Variants in DNAH6 observed in about 807,000 individuals in gnomAD.
DNAH6 encodes the protein axonemal beta dynein heavy chain 6.
Under a neutral mutation model 491.4 loss-of-function variants are expected in DNAH6, and 340 were observed. The observed-to-expected ratio is 0.69, with a 90% CI of 0.63 to 0.76. DNAH6 has a LOEUF of 0.76. DNAH6 is among the 30% of genes least tolerant of loss of function. DNAH6 has a pLI of 0.00. For missense variants in DNAH6, 4,443 were observed against 4,972.2 expected, an observed-to-expected ratio of 0.89 and a Z score of 3.20; for synonymous variants, 1,603 against 1,686.1, an observed-to-expected ratio of 0.95 and a Z score of 1.21.
intron 33 of DNAH6, among the ~76,000 whole-genome samples, chr2:84,651,415 G>T (rs1416032336): frequency 1.3e-5 from 2 of 152,204 alleles, no homozygotes; most frequent in African/African-American, 4.8e-5. Flanking sequence ...TAGAGTGGAA[G>T]TCTGGGCTCC....
intron 70 of DNAH6, among the ~76,000 whole-genome samples, chr2:84,798,878 G>A (rs559529128): frequency 6.6e-6 from 1 of 152,222 alleles, no homozygotes; most frequent in South Asian, 2.1e-4. Context: ...ACCACCCAGG[G>A]ATATCAAGTT....
At position 84,551,943 on chromosome 2, in the gene DNAH6, GA is replaced by G. The variant is rs2104562570; in HGVS notation, c.1486-973del. 2.0e-5 allele frequency among the ~76,000 whole-genome samples: 3 copies of G among 151,766 alleles called. No individual in the cohort carries two copies. In the South Asian group the frequency reaches 6.2e-4, roughly 32 times the overall value. The stretch of plus-strand genomic sequence containing the variant: ...GGTGCCTATAATCCCAGCTACTCAG[GA>G]AGCTGAGGCAGGGGAATTGCTTCAA... On this transcript the variant is annotated intron_variant, in intron 9 of 76. Coordinates refer to ENST00000389394, the MANE Select transcript of DNAH6 (RefSeq NM_001370.2).
intron 68 of DNAH6, among the ~76,000 whole-genome samples, chr2:84,793,598 C>T (rs962673615): frequency 5.3e-5 from 8 of 152,156 alleles, no homozygotes; most frequent in South Asian, 4.1e-4. Flanking sequence ...GATGGACCCA[C>T]GACAGAGATT....
At position 84,610,609 on chromosome 2, in the gene DNAH6, G is replaced by T. The variant is rs77531253; in HGVS notation, c.3295-1065G>T. On this transcript the variant is annotated intron_variant, in intron 21 of 76. Coordinates refer to ENST00000389394, the MANE Select transcript of DNAH6 (RefSeq NM_001370.2). ...AACCCACTTACACTAATCTCATTTT[G>T]TTCCCATCCAATCTCTTTCTTAGAC... 4.3e-3 allele frequency among the ~76,000 whole-genome samples: 652 copies of T among 152,240 alleles called. 1 individual carries two copies. Among genetic ancestry groups the T allele is most frequent in the South Asian group, 7.3e-3 (35 of 4,826 alleles).
At chr2:84,813,905 A>G (rs775575737) in intron 74 of DNAH6, 66 bp from the exon 75 acceptor site, 10 of 1,507,156 alleles carry the variant, frequency 6.6e-6, no homozygotes, top group Non-Finnish European at 9.0e-6. Context: ...GTTTGGATGA[A>G]GGGGAATAGT....
chr2:84,683,355 A>G (rs564847607), intron 42 of DNAH6, among the ~76,000 whole-genome samples: 4 of 151,098 alleles, frequency 2.6e-5, no homozygotes, highest in South Asian at 2.1e-4. Flanking sequence ...TAGTTGCTCC[A>G]TAATCTGCTT....
At chr2:84,772,208 A>G (rs1675691862) in intron 64 of DNAH6, among the ~76,000 whole-genome samples, 1 of 152,178 alleles carries the variant, frequency 6.6e-6, no homozygotes, top group Admixed American at 6.5e-5. Flanking sequence ...AACTAAAAAT[A>G]TATACAATAT....
intron 29 of DNAH6, among the ~76,000 whole-genome samples, chr2:84,628,571 G>A (rs1488148277): frequency 6.6e-6 from 1 of 152,156 alleles, no homozygotes; most frequent in African/African-American, 2.4e-5. Flanking sequence ...AAAAGCAAAT[G>A]AAATATTCAA....
At chr2:84,727,348 T>C (rs1698731462) in intron 60 of DNAH6, among the ~76,000 whole-genome samples, 4 of 152,128 alleles carry the variant, frequency 2.6e-5, no homozygotes. Context: ...GTACAGTAAG[T>C]CCTCAATGTT....
At chr2:84,703,939 A>G in intron 50 of DNAH6, 128 bp from the exon 51 acceptor site, 1 of 697,170 alleles carries the variant, frequency 1.4e-6, no homozygotes, top group Non-Finnish European at 2.4e-6. Context: ...ATAAAATGCA[A>G]TCTAGCTAAT....
At chr2:84,816,812 G>A (rs1680529962) in intron 76 of DNAH6, among the ~76,000 whole-genome samples, 1 of 152,274 alleles carries the variant, frequency 6.6e-6, no homozygotes, top group Admixed American at 6.5e-5. Flanking sequence ...CCTGAAAAAA[G>A]AAACCAGACA....
intron 56 of DNAH6, 61 bp downstream of exon 56, chr2:84,710,473 C>T: frequency 6.7e-7 from 1 of 1,495,670 alleles, no homozygotes; most frequent in Non-Finnish European, 9.1e-7. Flanking sequence ...ATCTGGAATC[C>T]TATATAGGCC....
intron 41 of DNAH6, among the ~76,000 whole-genome samples, chr2:84,677,608 A>G (rs1373689544): frequency 6.6e-6 from 1 of 152,194 alleles, no homozygotes; most frequent in Admixed American, 6.5e-5. Flanking sequence ...AAGAATGATA[A>G]CCTATCTTTT....
intron 63 of DNAH6, among the ~76,000 whole-genome samples, chr2:84,761,673 G>A (rs1437295514): frequency 6.6e-6 from 1 of 151,980 alleles, no homozygotes; most frequent in Non-Finnish European, 1.5e-5. Context: ...AAAGGAACAG[G>A]CATGTGAACA....
the DNAH6 span, among the ~76,000 whole-genome samples, chr2:84,466,954 G>A: frequency 2.6e-5 from 4 of 152,180 alleles, no homozygotes; most frequent in African/African-American, 9.6e-5. Flanking sequence ...CATAGTTTTG[G>A]AACACATATA....
chr2:84,493,491 T>C, the DNAH6 span, among the ~76,000 whole-genome samples: 1 of 152,206 alleles, frequency 6.6e-6, no homozygotes, highest in African/African-American at 2.4e-5. Flanking sequence ...TTTGTGCCTC[T>C]GATCACATAT....
chr2:84,526,671 G>T (rs1344943610), intron 3 of DNAH6, among the ~76,000 whole-genome samples: 1 of 152,120 alleles, frequency 6.6e-6, no homozygotes, highest in Non-Finnish European at 1.5e-5. Context: ...GAAGCTAGAT[G>T]GACAGGAGCT....
chr2:84,616,267 T>A (rs1686848699), intron 22 of DNAH6, among the ~76,000 whole-genome samples: 1 of 152,108 alleles, frequency 6.6e-6, no homozygotes, highest in Non-Finnish European at 1.5e-5. Context: ...TGTCTAGTGC[T>A]GTCAGTGGAG....
At chr2:84,790,118 A>G (rs1247041227) in intron 68 of DNAH6, among the ~76,000 whole-genome samples, 1 of 152,270 alleles carries the variant, frequency 6.6e-6, no homozygotes, top group African/African-American at 2.4e-5. Context: ...CTTTATATTT[A>G]TGACCACTGA....
Sources: gnomAD v4.1 joint callset for allele counts (sites outside exome capture counted in the v4.1 genomes callset) on GRCh38, gnomAD v4.1.1 for gene constraint, MANE v1.5 for transcripts, NCBI Gene and HGNC (gene_info 2026-07-23, HGNC 2026-07-21) for gene names.